SDCCAG8: variants seen among roughly 807,000 people sequenced by gnomAD.
The protein encoded by SDCCAG8 is serologically defined colon cancer antigen 8.
Under a neutral mutation model 101.8 loss-of-function variants are expected in SDCCAG8, and 74 were observed. The observed-to-expected ratio is 0.73, with a 90% CI of 0.60 to 0.88. SDCCAG8 has a LOEUF of 0.88. Ranked by LOEUF, SDCCAG8 falls within the 40% of genes least tolerant of loss-of-function variation. The pLI, the probability that SDCCAG8 is intolerant of heterozygous loss-of-function variation, is 0.00. For synonymous variants in SDCCAG8, 281 were observed against 292.9 expected (o/e 0.96, Z 0.41); for missense variants, 787 against 822.6 (o/e 0.96, Z 0.53).
At chr1:243,385,682 A>C (rs1162620415) in intron 13 of SDCCAG8, among the ~76,000 whole-genome samples, 1 of 152,160 alleles carries the variant, frequency 6.6e-6, no homozygotes, top group African/African-American at 2.4e-5. Flanking sequence ...GAATATATTC[A>C]TCTTAGGCCG....
intron 6 of SDCCAG8, among the ~76,000 whole-genome samples, chr1:243,303,553 G>A (rs1269735592): frequency 6.6e-6 from 1 of 152,134 alleles, no homozygotes; most frequent in Non-Finnish European, 1.5e-5. Context: ...GAAGATGGTA[G>A]GGTGAAGGCC....
intron 16 of SDCCAG8, among the ~76,000 whole-genome samples, chr1:243,484,460 T>C (rs1489377055): frequency 6.6e-6 from 1 of 152,234 alleles, no homozygotes; most frequent in African/African-American, 2.4e-5. Flanking sequence ...AGTGGCATAA[T>C]AATTAGTTCC....
chr1:243,370,000 T>A (rs1305792922), intron 12 of SDCCAG8, among the ~76,000 whole-genome samples: 11 of 152,122 alleles, frequency 7.2e-5, no homozygotes, highest in Non-Finnish European at 1.5e-5. Context: ...CCTCTCCCAG[T>A]TACTCTTGGC....
intron 9 of SDCCAG8, among the ~76,000 whole-genome samples, chr1:243,325,343 T>C (rs1223810766): frequency 1.3e-5 from 2 of 152,210 alleles, no homozygotes; most frequent in African/African-American, 4.8e-5. Context: ...GCAAGTCTAG[T>C]ACTTTTTATC....
chr1:243,490,654 G>C (rs969119704), intron 17 of SDCCAG8, among the ~76,000 whole-genome samples: 9 of 152,378 alleles, frequency 5.9e-5, no homozygotes, highest in Non-Finnish European at 8.8e-5. Context: ...GCTGAGTGCA[G>C]GCGGGATGCC....
At chr1:243,395,266 T>C (rs1390937709) in intron 13 of SDCCAG8, among the ~76,000 whole-genome samples, 2 of 152,222 alleles carry the variant, frequency 1.3e-5, no homozygotes, top group Non-Finnish European at 2.9e-5. Flanking sequence ...TTGCAAATGC[T>C]TCTTTCTTTT....
chr1:243,343,438 T>G lies in SDCCAG8; in HGVS notation c.1357-777T>G, dbSNP rs545864836. Among the ~76,000 whole-genome samples, 29 of 152,306 alleles carry G rather than the reference T, an allele frequency of 1.9e-4. 1 individual carries two copies. The highest frequency in any genetic ancestry group is 6.5e-4 in the African/African-American group (27 of 41,572). ...TTTCCATTTCTGTAGCAGTCCTAGATTCGAAAAAATAAATAAAACAAAGTT... is the reference window on the plus strand; with the variant it reads ...TTTCCATTTCTGTAGCAGTCCTAGAGTCGAAAAAATAAATAAAACAAAGTT... On this transcript the variant is annotated intron_variant, in intron 11 of 17. Transcript: ENST00000366541.
intron 2 of SDCCAG8, among the ~76,000 whole-genome samples, chr1:243,270,472 T>G (rs200088420): frequency 5.6e-4 from 86 of 152,346 alleles, no homozygotes; most frequent in African/African-American, 1.9e-3. Flanking sequence ...AATAACAGTG[T>G]TTTCCTAAGA....
chr1:243,260,537 G>T (rs1215896144), intron 1 of SDCCAG8, among the ~76,000 whole-genome samples: 1 of 152,180 alleles, frequency 6.6e-6, no homozygotes, highest in African/African-American at 2.4e-5. Context: ...TTTAAGTACT[G>T]CACACTTGAG....
chr1:243,257,417 G>C (rs1054249836), intron 1 of SDCCAG8, among the ~76,000 whole-genome samples: 4 of 151,488 alleles, frequency 2.6e-5, no homozygotes, highest in African/African-American at 9.7e-5. Context: ...ATGCAGTAAG[G>C]AACAAGACAA....
At chr1:243,330,229 C>T (rs1484744554) in intron 9 of SDCCAG8, among the ~76,000 whole-genome samples, 3 of 152,058 alleles carry the variant, frequency 2.0e-5, no homozygotes, top group Non-Finnish European at 1.5e-5. Context: ...AATATTAGAA[C>T]ACTTGGTGTT....
intron 10 of SDCCAG8, chr1:243,338,908 A>C (rs2075202429): frequency 6.5e-6 from 1 of 152,850 alleles, no homozygotes; most frequent in African/African-American, 2.4e-5. Context: ...GTGGATGGAG[A>C]AGCTCCTGCC....
intron 4 of SDCCAG8, among the ~76,000 whole-genome samples, chr1:243,277,047 C>T (rs756112788): frequency 1.3e-5 from 2 of 152,074 alleles, no homozygotes; most frequent in Admixed American, 1.3e-4. Flanking sequence ...TATCTGTGCA[C>T]CTATGGGAGG....
At chr1:243,435,049 C>T (rs1057141061) in intron 16 of SDCCAG8, among the ~76,000 whole-genome samples, 14 of 152,200 alleles carry the variant, frequency 9.2e-5, no homozygotes, top group African/African-American at 3.1e-4. Flanking sequence ...AAATATTTAC[C>T]GAGTGCTTAT....
chr1:243,284,192 A>G (rs972799337), intron 4 of SDCCAG8, among the ~76,000 whole-genome samples: 1 of 152,160 alleles, frequency 6.6e-6, no homozygotes, highest in African/African-American at 2.4e-5. Flanking sequence ...TGGACATGAC[A>G]TATTTGGTAA....
intron 13 of SDCCAG8, among the ~76,000 whole-genome samples, chr1:243,387,940 T>A (rs1256159157): frequency 6.6e-6 from 1 of 152,148 alleles, no homozygotes; most frequent in Non-Finnish European, 1.5e-5. Flanking sequence ...GGTCTCAAAC[T>A]CCTGACCTCT....
chr1:243,451,357 A>G (rs1199126023), intron 16 of SDCCAG8, among the ~76,000 whole-genome samples: 1 of 152,334 alleles, frequency 6.6e-6, no homozygotes, highest in East Asian at 1.9e-4. Flanking sequence ...ATCTCCATTA[A>G]TACTTAGTTC....
chr1:243,479,352 G>A (rs1663038290), intron 16 of SDCCAG8, among the ~76,000 whole-genome samples: 1 of 152,170 alleles, frequency 6.6e-6, no homozygotes, highest in Non-Finnish European at 1.5e-5. Flanking sequence ...AACTTTAAAA[G>A]GTCAGGTAAT....
intron 16 of SDCCAG8, among the ~76,000 whole-genome samples, chr1:243,485,968 G>A (rs1033823864): frequency 1.3e-5 from 2 of 151,690 alleles, no homozygotes; most frequent in African/African-American, 4.8e-5. Flanking sequence ...GGAGGCTGAG[G>A]CGAGTGGATC....
Sources: allele counts gnomAD v4.1 joint callset (sites outside exome capture counted in the v4.1 genomes callset), GRCh38; gene constraint gnomAD v4.1.1; transcripts MANE v1.5; gene names NCBI Gene and HGNC (gene_info 2026-07-23, HGNC 2026-07-21).